NAALADL2: variants seen among roughly 807,000 people sequenced by gnomAD.
The protein encoded by NAALADL2 is N-acetylated alpha-linked acidic dipeptidase like 2.
NAALADL2 carries 76 observed loss-of-function variants against 87.2 expected under a neutral mutation model. That is an observed-to-expected ratio of 0.87 (90% CI 0.72 to 1.05). The LOEUF (loss-of-function observed/expected upper bound fraction) is 1.05. Among genes scored for constraint, NAALADL2 ranks in the 50% least tolerant of loss-of-function variants. NAALADL2 has a pLI of 0.00. For synonymous variants in NAALADL2, 354 were observed against 331.0 expected (o/e 1.07, Z -0.75); for missense variants, 1,089 against 945.8 (o/e 1.15, Z -1.99).
chr3:174,933,030 T>C (rs1346550848), intron 1 of NAALADL2, among the ~76,000 whole-genome samples: 1 of 151,652 alleles, frequency 6.6e-6, no homozygotes, highest in Non-Finnish European at 1.5e-5. Context: ...GGCAGGAGAG[T>C]CACTTGAACC....
intron 2 of NAALADL2, among the ~76,000 whole-genome samples, chr3:175,111,416 A>G (rs1045279694): frequency 6.6e-6 from 1 of 151,618 alleles, no homozygotes; most frequent in African/African-American, 2.4e-5. Context: ...CTGTCATAGG[A>G]GTATTTATGT....
intron 11 of NAALADL2, among the ~76,000 whole-genome samples, chr3:175,706,144 T>G (rs1218213040): frequency 6.6e-6 from 1 of 151,912 alleles, no homozygotes; most frequent in Non-Finnish European, 1.5e-5. Flanking sequence ...CTACACAAAA[T>G]GGGGGATATA....
chr3:174,750,424 T>C (rs139607397), intron 3 of NAALADL2, among the ~76,000 whole-genome samples: 46 of 142,258 alleles, frequency 3.2e-4, no homozygotes, highest in Middle Eastern at 3.6e-3. Flanking sequence ...TCTTCTTCTT[T>C]TTTATTTTAT....
At chr3:175,511,583 C>A (rs1731159677) in intron 9 of NAALADL2, among the ~76,000 whole-genome samples, 1 of 152,184 alleles carries the variant, frequency 6.6e-6, no homozygotes, top group Admixed American at 6.5e-5. Flanking sequence ...AAATACATTT[C>A]TGTTGTTTAA....
chr3:174,600,975 A>G (rs1382555135), intron 2 of NAALADL2, among the ~76,000 whole-genome samples: 1 of 152,176 alleles, frequency 6.6e-6, no homozygotes, highest in African/African-American at 2.4e-5. Flanking sequence ...TATGGGTTAC[A>G]TGACATATTT....
chr3:174,683,629 GGT>G (rs10522220), intron 2 of NAALADL2, among the ~76,000 whole-genome samples: 22,845 of 146,770 alleles, frequency 0.16, 1,962 homozygotes, highest in South Asian at 0.23. Flanking sequence ...CAGAACTTCT[GGT>G]GTGTGTGTGT....
intron 9 of NAALADL2, among the ~76,000 whole-genome samples, chr3:175,550,208 G>A (rs1180018694): frequency 1.3e-5 from 2 of 152,078 alleles, no homozygotes; most frequent in Non-Finnish European, 2.9e-5. Context: ...AAAATATACT[G>A]TCAACATGAT....
intron 5 of NAALADL2, among the ~76,000 whole-genome samples, chr3:175,445,947 G>A (rs76959122): frequency 0.012 from 1,824 of 152,158 alleles, 33 homozygotes; most frequent in African/African-American, 0.041. Context: ...GTCTGCTGCC[G>A]AGGGGCCGGC....
chr3:175,065,543 A>G (rs1714387150), intron 1 of NAALADL2, among the ~76,000 whole-genome samples: 1 of 152,204 alleles, frequency 6.6e-6, no homozygotes, highest in Admixed American at 6.5e-5. Context: ...AGGATGTCCT[A>G]CCAGTCCCAT....
At chr3:174,600,542 A>G (rs1718338538) in intron 2 of NAALADL2, among the ~76,000 whole-genome samples, 1 of 152,148 alleles carries the variant, frequency 6.6e-6, no homozygotes, top group African/African-American at 2.4e-5. Flanking sequence ...ATTCTTATTT[A>G]AAATTTTTAA....
chr3:174,659,246 C>T (rs1404864567), intron 2 of NAALADL2, among the ~76,000 whole-genome samples: 1 of 152,066 alleles, frequency 6.6e-6, no homozygotes, highest in Non-Finnish European at 1.5e-5. Flanking sequence ...AAACTATGTT[C>T]CCTCGTTTAT....
At chr3:175,296,353 C>G (rs1756374463) in intron 4 of NAALADL2, among the ~76,000 whole-genome samples, 1 of 152,168 alleles carries the variant, frequency 6.6e-6, no homozygotes, top group Admixed American at 6.5e-5. Context: ...CTGCATTATT[C>G]ACATCATGAA....
intron 2 of NAALADL2, among the ~76,000 whole-genome samples, chr3:175,147,136 G>A (rs772772371): frequency 2.0e-4 from 30 of 152,108 alleles, no homozygotes; most frequent in Non-Finnish European, 4.1e-4. Context: ...ACACATGCAG[G>A]TTTGTTACAT....
chr3:175,008,104 G>A (rs989432928), intron 1 of NAALADL2, among the ~76,000 whole-genome samples: 6 of 152,148 alleles, frequency 3.9e-5, no homozygotes, highest in African/African-American at 1.4e-4. Flanking sequence ...TGCCCTGGGT[G>A]CAGTCTCTCA....
At chr3:175,788,716 A>G (rs773940367) in intron 13 of NAALADL2, among the ~76,000 whole-genome samples, 1 of 152,204 alleles carries the variant, frequency 6.6e-6, no homozygotes, top group South Asian at 2.1e-4. Flanking sequence ...AGCCATTAGT[A>G]CTAGTAGTCA....
chr3:175,244,292 A>G (rs538212907), intron 3 of NAALADL2, among the ~76,000 whole-genome samples: 14 of 152,352 alleles, frequency 9.2e-5, no homozygotes, highest in African/African-American at 3.1e-4. Flanking sequence ...GGTAATATAT[A>G]TGGAGTAAGG....
intron 3 of NAALADL2, among the ~76,000 whole-genome samples, chr3:174,817,171 G>T (rs974953499): frequency 1.3e-5 from 2 of 152,110 alleles, no homozygotes; most frequent in African/African-American, 4.8e-5. Context: ...AATCCACAGG[G>T]ATCAAATAAA....
intron 3 of NAALADL2, among the ~76,000 whole-genome samples, chr3:174,821,567 C>G (rs1721421523): frequency 6.6e-6 from 1 of 152,100 alleles, no homozygotes; most frequent in Non-Finnish European, 1.5e-5. Context: ...ACAGATTGAG[C>G]AAATGAACCA....
intron 2 of NAALADL2, among the ~76,000 whole-genome samples, chr3:175,178,571 G>A (rs1237929868): frequency 2.0e-5 from 3 of 151,948 alleles, no homozygotes; most frequent in African/African-American, 7.2e-5. Context: ...GTTAATGCTG[G>A]AAAAACAGTG....
Sources: allele counts gnomAD v4.1 joint callset (sites outside exome capture counted in the v4.1 genomes callset), GRCh38; gene constraint gnomAD v4.1.1; transcripts MANE v1.5; gene names NCBI Gene and HGNC (gene_info 2026-07-23, HGNC 2026-07-21).